The following TM9SF2 variants were observed in gnomAD, a reference collection of about 807,000 sequenced individuals.
TM9SF2 encodes transmembrane 9 superfamily member 2, also known as 76 kDa membrane protein.
A neutral mutation model predicts 84.9 loss-of-function variants in TM9SF2; 13 were observed. The observed-to-expected ratio is 0.15, with a 90% CI of 0.10 to 0.24. TM9SF2 has a LOEUF of 0.24. Among genes scored for constraint, TM9SF2 ranks in the 10% least tolerant of loss-of-function variants. The pLI, the probability that TM9SF2 is intolerant of heterozygous loss-of-function variation, is 1.00. For missense variants in TM9SF2, 562 were observed against 818.5 expected (o/e 0.69, Z 3.82); for synonymous variants, 273 against 285.8 (o/e 0.96, Z 0.45).
intron 3 of TM9SF2, among the ~76,000 whole-genome samples, chr13:99,523,179 A>G (rs547250572): frequency 6.6e-6 from 1 of 151,744 alleles, no homozygotes; most frequent in African/African-American, 2.4e-5. Flanking sequence ...GTATTTATTT[A>G]TTTCTTTTTT....
chr13:99,534,210 TACC>T (rs1289387593), intron 4 of TM9SF2, among the ~76,000 whole-genome samples: 4 of 152,240 alleles, frequency 2.6e-5, no homozygotes, highest in African/African-American at 9.6e-5. Context: ...TCAGAGTACT[TACC>T]ATTTCTTAGT....
At chr13:99,510,844 A>C (rs1289074565) in intron 1 of TM9SF2, among the ~76,000 whole-genome samples, 1 of 152,188 alleles carries the variant, frequency 6.6e-6, no homozygotes, top group Non-Finnish European at 1.5e-5. Flanking sequence ...AGTGTTCATG[A>C]ATTTGTATTA....
intron 16 of TM9SF2, among the ~76,000 whole-genome samples, chr13:99,562,187 T>C (rs1284018297): frequency 6.6e-6 from 1 of 152,214 alleles, no homozygotes; most frequent in African/African-American, 2.4e-5. Context: ...TGCATTTTTG[T>C]TACTATCTAA....
At position 99,537,021 on chromosome 13, in the gene TM9SF2, A is replaced by G. The variant is rs573910513; in HGVS notation, c.591+284A>G. ...TTGTCCTAACTCTCATAAATCTTAT[A>G]TATTACAAAATGTACATAGTAGAGT... On this transcript the variant is annotated intron_variant, in intron 5 of 16. Transcript: ENST00000376387. Among the ~76,000 whole-genome samples, 5 of 152,312 alleles carry G rather than the reference A, an allele frequency of 3.3e-5. No individual in the cohort carries two copies. The East Asian group carries it at 7.7e-4, about 23-fold the overall frequency.
intron 6 of TM9SF2, among the ~76,000 whole-genome samples, chr13:99,538,214 C>G (rs1384473069): frequency 2.0e-5 from 3 of 152,168 alleles, no homozygotes. Context: ...TGGCTTTCCT[C>G]TGGTCAGAGG....
intron 11 of TM9SF2, among the ~76,000 whole-genome samples, chr13:99,548,960 G>A (rs920807377): frequency 1.3e-5 from 2 of 152,158 alleles, no homozygotes; most frequent in Non-Finnish European, 2.9e-5. Context: ...CTCTAGAGCA[G>A]GACTTACCTA....
At chr13:99,526,450 A>G (rs1400147920) in intron 3 of TM9SF2, among the ~76,000 whole-genome samples, 3 of 152,242 alleles carry the variant, frequency 2.0e-5, no homozygotes, top group East Asian at 3.8e-4. Flanking sequence ...CACAGGGGGC[A>G]TGTGAGGCCA....
chr13:99,511,972 G>A (rs933021652), intron 1 of TM9SF2, among the ~76,000 whole-genome samples: 6 of 152,304 alleles, frequency 3.9e-5, no homozygotes, highest in African/African-American at 7.2e-5. Flanking sequence ...AGAATTGTGC[G>A]TGATAGTTAT....
intron 3 of TM9SF2, among the ~76,000 whole-genome samples, chr13:99,520,727 CCCAG>C (rs2046155853): frequency 6.6e-6 from 1 of 152,174 alleles, no homozygotes; most frequent in Admixed American, 6.5e-5. Flanking sequence ...TGGCACCATG[CCCAG>C]CCAACTTTTT....
intron 4 of TM9SF2, among the ~76,000 whole-genome samples, chr13:99,533,885 G>A (rs1184574977): frequency 6.6e-6 from 1 of 152,168 alleles, no homozygotes; most frequent in African/African-American, 2.4e-5. Context: ...TGGCCAGGCT[G>A]CTCTCGAACT....
chr13:99,561,237 AT>A (rs1016553762), intron 16 of TM9SF2, among the ~76,000 whole-genome samples: 9 of 152,180 alleles, frequency 5.9e-5, no homozygotes, highest in Non-Finnish European at 1.2e-4. Context: ...GAGCAATGCC[AT>A]TTTATTGTAT....
At chr13:99,547,560 A>T (rs1001472838) in intron 11 of TM9SF2, among the ~76,000 whole-genome samples, 1 of 152,214 alleles carries the variant, frequency 6.6e-6, no homozygotes, top group African/African-American at 2.4e-5. Context: ...ATAAAAATAC[A>T]CTGTTTCAAG....
intron 1 of TM9SF2, among the ~76,000 whole-genome samples, chr13:99,509,975 T>C (rs1171514424): frequency 2.0e-5 from 3 of 152,238 alleles, no homozygotes; most frequent in Non-Finnish European, 1.5e-5. Context: ...TAAGATAGGC[T>C]GTTAGAAGCA....
chr13:99,538,777 G>C (rs1450696260), intron 6 of TM9SF2, among the ~76,000 whole-genome samples: 2 of 151,700 alleles, frequency 1.3e-5, no homozygotes, highest in East Asian at 3.9e-4. Flanking sequence ...ACTGGGCACT[G>C]TGGCCCGTGC....
intron 4 of TM9SF2, among the ~76,000 whole-genome samples, chr13:99,534,159 C>T (rs2139092202): frequency 6.6e-6 from 1 of 152,294 alleles, no homozygotes; most frequent in South Asian, 2.1e-4. Context: ...ATTTCCAAAT[C>T]TTGATGACAT....
intron 3 of TM9SF2, among the ~76,000 whole-genome samples, chr13:99,525,951 G>A (rs1311747898): frequency 6.6e-6 from 1 of 152,176 alleles, no homozygotes; most frequent in Non-Finnish European, 1.5e-5. Flanking sequence ...GGGAAGGATT[G>A]CCGTGGGTGT....
intron 4 of TM9SF2, among the ~76,000 whole-genome samples, chr13:99,536,299 GTT>G (rs540336278): frequency 7.2e-6 from 1 of 139,684 alleles, no homozygotes; most frequent in African/African-American, 2.6e-5. Context: ...AGTTTTTTTT[GTT>G]TTTTTTTTTT....
Position 99,537,740 on chromosome 13 carries a change from C to T in TM9SF2, c.593C>T (p.Ser198Leu), listed in dbSNP as rs2139095412. The stretch of plus-strand genomic sequence containing the variant: ...TAACTTTTAAGTTCTGTTCTGCAGT[C>T]AGATTTCCATGAAAGAGATACATTT... Reference protein sequence around the residue: ...GHAKDACVISSDFHERDTFYI... With the variant: ...GHAKDACVISLDFHERDTFYI... The change falls in exon 6 of 17, where the codon TCA becomes TTA. Residue 198 changes from serine (S) to leucine (L), a missense_variant and splice_region_variant. By Grantham distance (145) the Ser-to-Leu change is moderately radical (BLOSUM62 -2). This residue lies in a region of TM9SF2 where 267 missense variants were observed against 316.7 expected (regional missense o/e 0.84). Coordinates refer to ENST00000376387, the MANE Select transcript of TM9SF2 (RefSeq NM_004800.3). 1 of 1,601,734 alleles carries T rather than the reference C, an allele frequency of 6.2e-7. No individual in the cohort carries two copies. Among genetic ancestry groups the T allele is most frequent in the Middle Eastern group, 1.7e-4 (1 of 5,862 alleles).
At chr13:99,508,709 A>G (rs2046100531) in intron 1 of TM9SF2, among the ~76,000 whole-genome samples, 1 of 152,160 alleles carries the variant, frequency 6.6e-6, no homozygotes, top group African/African-American at 2.4e-5. Flanking sequence ...ACATGGTAAA[A>G]GCAGGAGTGA....
Sources: allele counts gnomAD v4.1 joint callset (sites outside exome capture counted in the v4.1 genomes callset), GRCh38; gene constraint gnomAD v4.1.1; regional missense constraint gnomAD v4.1.1; transcripts MANE v1.5; gene names NCBI Gene and HGNC (gene_info 2026-07-23, HGNC 2026-07-21).